Variants in SYTL2 observed in about 807,000 individuals in gnomAD.
SYTL2 encodes the protein synaptotagmin-like protein 2.
SYTL2 carries 165 observed loss-of-function variants against 198.7 expected under a neutral mutation model. That is an observed-to-expected ratio of 0.83 (90% CI 0.73 to 0.94). The LOEUF (loss-of-function observed/expected upper bound fraction) is 0.94, where lower values mean the gene tolerates loss of function less well. SYTL2 is among the 40% of genes least tolerant of loss of function. The pLI is 0.00. For synonymous variants in SYTL2, 966 were observed against 917.7 expected, an observed-to-expected ratio of 1.05 and a Z score of -0.95; for missense variants, 2,835 against 2,582.8, an observed-to-expected ratio of 1.10 and a Z score of -2.12.
At position 85,748,295 on chromosome 11, in the gene SYTL2, C is replaced by G; in HGVS notation, c.230G>C (p.Arg77Thr). 3.7e-6 allele frequency: 6 copies of G among 1,613,670 alleles called. No individual in the cohort carries two copies. Among genetic ancestry groups the G allele is most frequent in the Non-Finnish European group, 4.2e-6 (5 of 1,179,670 alleles). ...HGADIIRASM[R>T]KKRPQIAAEQ... The stretch of plus-strand genomic sequence containing the variant: ...ACCTGCTATCTGGGGCCTCTTCTTT[C>G]TCATAGATGCTCTGATGATATCTGC... The change falls in exon 3 of 20, where the codon AGA becomes ACA. Residue 77 changes from arginine (R) to threonine (T), a missense_variant. Physicochemically the swap from Arg to Thr is moderately conservative, Grantham distance 71. Transcript: ENST00000359152.
intron 1 of SYTL2, among the ~76,000 whole-genome samples, chr11:85,803,150 C>A (rs1018278545): frequency 6.6e-6 from 1 of 152,144 alleles, no homozygotes; most frequent in Non-Finnish European, 1.5e-5. Context: ...AATACATTTG[C>A]AGAAAGGTAG....
At position 85,789,383 on chromosome 11, in the gene SYTL2, T is replaced by TATATACATATATACATATATAC. The variant is rs2092697026; in HGVS notation, c.-390+21570_-390+21571insGTATATATGTATATATGTATAT. ...ATATATATATATATATATATGTATA[T>TATATACATATATACATATATAC]ATATATATATATATATAATTTTTTT... is the stretch of plus-strand genomic sequence containing the variant. On this transcript the variant is annotated intron_variant, in intron 1 of 19. Transcript: ENST00000359152. Among the ~76,000 whole-genome samples, 22 of 121,984 alleles carry TATATACATATATACATATATAC rather than the reference T, an allele frequency of 1.8e-4. No homozygotes were observed. The South Asian group carries it at 3.8e-3, about 21-fold the overall frequency. 80.0% of individuals were successfully genotyped at this position (121,984 alleles called of 152,430 possible).
chr11:85,853,955 C>G, the SYTL2 span: 23,898 of 152,024 alleles, frequency 0.16, 2,076 homozygotes, highest in Middle Eastern at 0.2. Context: ...AGCAATTCTT[C>G]GGCCTCCACC....
intron 1 of SYTL2, among the ~76,000 whole-genome samples, chr11:85,807,208 G>A (rs1175223625): frequency 6.6e-6 from 1 of 152,196 alleles, no homozygotes; most frequent in African/African-American, 2.4e-5. Flanking sequence ...ACTATCTTCT[G>A]TCCTCTTCTG....
At chr11:85,764,270 T>G (rs1163513321) in intron 1 of SYTL2, among the ~76,000 whole-genome samples, 1 of 152,226 alleles carries the variant, frequency 6.6e-6, no homozygotes, top group African/African-American at 2.4e-5. Flanking sequence ...TCTAAGCCTC[T>G]CATGATCTTG....
rs777096850 is a variant in SYTL2 at position 85,724,576 on chromosome 11, C to G, written c.4782G>C (p.Lys1594Asn). The G allele has an allele frequency of 2.5e-6, 4 of 1,613,130 alleles. No individual in the cohort carries two copies. In the African/African-American group the frequency reaches 4.0e-5, roughly 16 times the overall value. The change falls in exon 8 of 20, where the codon AAG (lysine) becomes AAC (asparagine). Residue 1594 changes from lysine (K) to asparagine (N), a missense_variant. Physicochemically the swap from Lys to Asn is moderately conservative, Grantham distance 94. Transcript: ENST00000359152. ...TGGTCTGCTCTGACTGTGAGGACTCCTTCTCGTGAGTTTCTTCTCTCACTG... is the reference window on the plus strand; with the variant it reads ...TGGTCTGCTCTGACTGTGAGGACTCGTTCTCGTGAGTTTCTTCTCTCACTG... ...QVSVREETHE[K>N]ESSQSEQTRF...
intron 1 of SYTL2, among the ~76,000 whole-genome samples, chr11:85,797,636 AAAAAG>A (rs1024818476): frequency 6.6e-6 from 1 of 151,926 alleles, no homozygotes; most frequent in African/African-American, 2.4e-5. Context: ...CAAAAAAAAA[AAAAAG>A]AAAAGAAAAA....
At chr11:85,796,827 T>G (rs2153637852) in intron 1 of SYTL2, among the ~76,000 whole-genome samples, 2 of 152,360 alleles carry the variant, frequency 1.3e-5, no homozygotes, top group East Asian at 1.9e-4. Context: ...GATATATACT[T>G]TTAAATAAAC....
chr11:85,738,561 G>A (rs781380001), intron 4 of SYTL2, among the ~76,000 whole-genome samples: 11 of 152,068 alleles, frequency 7.2e-5, no homozygotes, highest in Non-Finnish European at 1.5e-4. Flanking sequence ...CTTGAATCAA[G>A]CTATCTAGAA....
At chr11:85,705,289 T>C (rs2084954277) in intron 15 of SYTL2, 2 of 301,430 alleles carry the variant, frequency 6.6e-6, no homozygotes, top group Non-Finnish European at 1.2e-5. Flanking sequence ...AATAGCTCTC[T>C]AACAATAAAA....
rs530462117 is a variant in SYTL2 at position 85,747,444 on chromosome 11, A to G, written c.253+828T>C. Among the ~76,000 whole-genome samples the G allele has an allele frequency of 4.5e-4, 69 of 152,212 alleles. 1 individual carries two copies. The highest frequency in any genetic ancestry group is 8.1e-4 in the Non-Finnish European group (55 of 68,026). On this transcript the variant is annotated intron_variant, in intron 3 of 19. Coordinates refer to ENST00000359152, the MANE Select transcript of SYTL2 (RefSeq NM_206927.4). ...TTTAAATGGGCATTGTCATGATAGT[A>G]TAAATCCCATCAATTCAGTAGATGG...
At chr11:85,764,736 G>A (rs113744822) in intron 1 of SYTL2, among the ~76,000 whole-genome samples, 7,972 of 152,222 alleles carry the variant, frequency 0.052, 313 homozygotes, top group Middle Eastern at 0.11. Flanking sequence ...CTTTGGATTT[G>A]GTTTATGGAT....
Position 85,745,763 on chromosome 11 carries a change from C to G in SYTL2, c.263G>C (p.Ser88Thr), listed in dbSNP as rs1183821447. 3 of 1,611,328 alleles carry G rather than the reference C, an allele frequency of 1.9e-6. No homozygotes were observed. In the African/African-American group the frequency reaches 4.0e-5, roughly 22 times the overall value. ...CTTTGCCCCATTTTCTCTGTCTTTA[C>G]TCTGCTCAGCTGAAACAGGAAACAG... ...KKRPQIAAEQ[S>T]KDRENGAKES... The change falls in exon 4 of 20, where the codon AGT (serine) becomes ACT (threonine). Residue 88 changes from serine to threonine, a missense_variant. Physicochemically the swap from Ser to Thr is moderately conservative, Grantham distance 58. Transcript: ENST00000359152.
At chr11:85,747,841 G>T (rs2091261171) in intron 3 of SYTL2, among the ~76,000 whole-genome samples, 1 of 152,158 alleles carries the variant, frequency 6.6e-6, no homozygotes. Flanking sequence ...TTAAAAAAAT[G>T]TCTTTACGGT....
At chr11:85,843,201 C>A in the SYTL2 span, among the ~76,000 whole-genome samples, 1 of 151,960 alleles carries the variant, frequency 6.6e-6, no homozygotes, top group African/African-American at 2.4e-5. Flanking sequence ...TGGTGAAACC[C>A]TGTCTGTAAT....
chr11:85,741,034 AC>A (rs2090746969), intron 4 of SYTL2, among the ~76,000 whole-genome samples: 1 of 151,758 alleles, frequency 6.6e-6, no homozygotes, highest in African/African-American at 2.4e-5. Context: ...TCTCTCTACA[AC>A]AGTTAAAAAT....
chr11:85,750,259 C>T (rs2091434515), intron 2 of SYTL2, among the ~76,000 whole-genome samples: 1 of 152,100 alleles, frequency 6.6e-6, no homozygotes, highest in African/African-American at 2.4e-5. Context: ...TAAGACCTAC[C>T]CTCCAGGACT....
the SYTL2 span, among the ~76,000 whole-genome samples, chr11:85,828,172 A>T: frequency 6.6e-6 from 1 of 152,172 alleles, no homozygotes; most frequent in African/African-American, 2.4e-5. Flanking sequence ...TTTCTCAGGC[A>T]TCTCTGTGGT....
At position 85,734,585 on chromosome 11, in the gene SYTL2, T is replaced by C; in HGVS notation, c.744A>G (p.Leu248=). ...ARKMIYKSTD[L]NKDDNQSFPR... ...GAAAAGACTGGTTATCATCTTTGTT[T>C]AAATCAGTTGATTTGTAGATCATCT... Residue 248 remains leucine (L), a synonymous_variant, in exon 7 of 20, where the codon TTA becomes TTG. Coordinates refer to ENST00000359152, the MANE Select transcript of SYTL2 (RefSeq NM_206927.4). The C allele has an allele frequency of 6.2e-7, 1 of 1,614,242 alleles. No homozygotes were observed. Among genetic ancestry groups the C allele is most frequent in the South Asian group, 1.1e-5 (1 of 91,088 alleles).
Sources: allele counts gnomAD v4.1 joint callset (sites outside exome capture counted in the v4.1 genomes callset), GRCh38; gene constraint gnomAD v4.1.1; transcripts MANE v1.5; gene names NCBI Gene and HGNC (gene_info 2026-07-23, HGNC 2026-07-21).